Variants in ADAMTS9 observed in about 807,000 individuals in gnomAD.
ADAMTS9 encodes ADAM metallopeptidase with thrombospondin type 1 motif 9, also known as A disintegrin and metalloproteinase with thrombospondin motifs 9.
A neutral mutation model predicts 257.1 loss-of-function variants in ADAMTS9; 107 were observed. The observed-to-expected ratio is 0.42, with a 90% confidence interval of 0.36 to 0.49. The LOEUF (loss-of-function observed/expected upper bound fraction) is 0.49. Ranked by LOEUF, ADAMTS9 falls within the 20% of genes least tolerant of loss-of-function variation. ADAMTS9 has a pLI of 0.03. For missense variants in ADAMTS9, 2,353 were observed against 2,469.1 expected (o/e 0.95, Z 1.00); for synonymous variants, 982 against 880.9 (o/e 1.11, Z -2.03).
rs1218602718 is a variant in ADAMTS9 at position 64,639,330 on chromosome 3, A to C, written c.1856+2518T>G. The stretch of plus-strand genomic sequence containing the variant: ...TTTTTTTTAAAAAAAAAAAAAAAAA[A>C]ACCTCCCATAGCAAACAGCAGGGAC... On this transcript the variant is annotated intron_variant, in intron 12 of 39. Transcript: ENST00000498707. Among the ~76,000 whole-genome samples, 7 of 114,142 alleles carry C rather than the reference A, an allele frequency of 6.1e-5. 1 individual carries two copies. Among genetic ancestry groups the C allele is most frequent in the Admixed American group, 1.9e-4 (2 of 10,724 alleles). The allele number at this position is 114,142 out of a possible 152,430, so 74.9% of individuals were successfully genotyped here.
chr3:64,600,763 A>G (rs1472685718), intron 26 of ADAMTS9, among the ~76,000 whole-genome samples: 2 of 152,206 alleles, frequency 1.3e-5, no homozygotes, highest in Non-Finnish European at 1.5e-5. Flanking sequence ...TGTTCTGCAC[A>G]CAACCAGCAA....
rs1438610899 is a variant in ADAMTS9, at chr3:64,686,434, T to G, written c.516+134A>C. 2 of 1,265,824 alleles carry G rather than the reference T, an allele frequency of 1.6e-6. No homozygotes were observed. Among genetic ancestry groups the G allele is most frequent in the Non-Finnish European group, 2.1e-6 (2 of 938,072 alleles). 78.4% of individuals were successfully genotyped at this position (1,265,824 alleles called of 1,614,324 possible). A position where few individuals can be genotyped will look rare whatever the true frequency, so the allele number is the denominator to read the frequency against. ...GCTAGCTACCCAAACCATACGAGTTTCTAGCTGATATTTAACGCCGGAGAG... is the reference window on the plus strand; with the variant it reads ...GCTAGCTACCCAAACCATACGAGTTGCTAGCTGATATTTAACGCCGGAGAG... On this transcript the variant is annotated intron_variant, in intron 2 of 39. Coordinates refer to ENST00000498707, the MANE Select transcript of ADAMTS9 (RefSeq NM_182920.2). The surrounding 1 kb of genome is among the most constrained non-coding windows in gnomAD (Gnocchi z 4.6).
chr3:64,561,321 G>GT (rs34071104), intron 30 of ADAMTS9: 54,185 of 206,314 alleles, frequency 0.26, 4,710 homozygotes, highest in African/African-American at 0.36. Context: ...GCCTGTTAAA[G>GT]TTTTTTTTTT....
chr3:64,554,182 T>A (rs948844364), intron 30 of ADAMTS9, among the ~76,000 whole-genome samples: 1 of 152,168 alleles, frequency 6.6e-6, no homozygotes, highest in Non-Finnish European at 1.5e-5. Context: ...ATACAATGAA[T>A]CCTAAATACT....
At chr3:64,644,820 T>G (rs927321639) in intron 11 of ADAMTS9, among the ~76,000 whole-genome samples, 4 of 152,226 alleles carry the variant, frequency 2.6e-5, no homozygotes, top group African/African-American at 9.6e-5. Flanking sequence ...CTCTTCTCAT[T>G]AAGCATTACT....
intron 31 of ADAMTS9, 108 bp downstream of exon 31, chr3:64,550,784 C>T (rs968244245): frequency 3.9e-5 from 54 of 1,386,086 alleles, no homozygotes; most frequent in African/African-American, 2.1e-4. Context: ...GCAAATCGGG[C>T]GGGTAGCCTC....
chr3:64,594,523 A>C, intron 27 of ADAMTS9, 89 bp from the exon 28 acceptor site: 1 of 1,508,846 alleles, frequency 6.6e-7, no homozygotes, highest in Non-Finnish European at 9.0e-7. Flanking sequence ...GCCAAACTCA[A>C]TTATGGCATT....
intron 28 of ADAMTS9, among the ~76,000 whole-genome samples, chr3:64,576,255 C>T (rs1252527008): frequency 6.6e-6 from 1 of 152,186 alleles, no homozygotes; most frequent in Non-Finnish European, 1.5e-5. Flanking sequence ...CTGCGTTTCT[C>T]CCTTGTCTTT....
In ADAMTS9 at chr3:64,552,912, C is replaced by T. The variant is rs185870329; in HGVS notation, c.4699-1850G>A. On this transcript the variant is annotated intron_variant, in intron 30 of 39. Transcript: ENST00000498707. ...AGTCTCTTTACGGAGAACTACAGAC[C>T]CCACCTCTCTTTTTCATCTAATGGG... is the stretch of plus-strand genomic sequence containing the variant. Among the ~76,000 whole-genome samples the T allele has an allele frequency of 1.1e-4, 16 of 152,188 alleles. No homozygotes were observed. In the East Asian group the frequency reaches 1.7e-3, roughly 17 times the overall value.
intron 31 of ADAMTS9, among the ~76,000 whole-genome samples, chr3:64,547,215 G>A (rs936889593): frequency 2.0e-5 from 3 of 152,140 alleles, no homozygotes; most frequent in African/African-American, 7.2e-5. Flanking sequence ...ACCCCTTCTG[G>A]AGGTTTCGAA....
At chr3:64,524,728 T>A (rs2082889319) in intron 38 of ADAMTS9, among the ~76,000 whole-genome samples, 1 of 152,250 alleles carries the variant, frequency 6.6e-6, no homozygotes, top group African/African-American at 2.4e-5. Flanking sequence ...ATCTTTACTA[T>A]CTGGCACTTT....
chr3:64,598,540 G>A (rs546775909), intron 26 of ADAMTS9, among the ~76,000 whole-genome samples: 4 of 152,022 alleles, frequency 2.6e-5, no homozygotes, highest in South Asian at 4.2e-4. Flanking sequence ...AACTGGTCTC[G>A]AACTCTTGGC....
At chr3:64,619,689 T>A (rs1346034544) in intron 19 of ADAMTS9, among the ~76,000 whole-genome samples, 4 of 152,104 alleles carry the variant, frequency 2.6e-5, no homozygotes, top group Non-Finnish European at 4.4e-5. Context: ...TTAGAAAAAA[T>A]AGTTCTTAGT....
chr3:64,609,521 T>A (rs1048179077), intron 22 of ADAMTS9, among the ~76,000 whole-genome samples: 1 of 151,468 alleles, frequency 6.6e-6, no homozygotes, highest in Non-Finnish European at 1.5e-5. Flanking sequence ...AAAAAAAAAA[T>A]TCAATTTACA....
At chr3:64,529,982 AT>A (rs200385291) in intron 38 of ADAMTS9, among the ~76,000 whole-genome samples, 4,135 of 106,274 alleles carry the variant, frequency 0.039, 211 homozygotes, top group Admixed American at 0.22. Flanking sequence ...CAGTTATTTA[AT>A]TTTTTTTTTT....
chr3:64,601,994 G>A lies in ADAMTS9; in HGVS notation c.3967C>T (p.Arg1323Cys), dbSNP rs561679926. Residue 1323 changes from arginine (R) to cysteine (C), a missense_variant, in exon 26 of 40, where the codon CGC becomes TGC. By Grantham distance (180) the Arg-to-Cys change is radical (BLOSUM62 -3). Coordinates refer to ENST00000498707, the MANE Select transcript of ADAMTS9 (RefSeq NM_182920.2). ...DYRPRSASPS[R>C]THVLGGNQWR... ...TGGTTTCCACCGAGCACATGGGTGC[G>A]GCTGGGGCTGGCGCTCCGGGGACGA... 11 of 1,613,930 alleles carry A rather than the reference G, an allele frequency of 6.8e-6. No homozygotes were observed. The East Asian group carries it at 8.9e-5, about 13-fold the overall frequency.
Position 64,516,436 on chromosome 3 carries a change from T to G in ADAMTS9, c.*691A>C, listed in dbSNP as rs746069498. ...ATAAGGGTAAAGAGCTGGTCTTATT[T>G]CATCCAAGTGATTCTGTGCACTGGA... On this transcript the variant is annotated 3_prime_UTR_variant, in exon 40 of 40. Coordinates refer to ENST00000498707, the MANE Select transcript of ADAMTS9 (RefSeq NM_182920.2). 6.6e-6 allele frequency: 1 copy of G among 152,644 alleles called. No homozygotes were observed. The highest frequency in any genetic ancestry group is 1.5e-5 in the Non-Finnish European group (1 of 68,046). 9.5% of individuals were successfully genotyped at this position (152,644 alleles called of 1,614,324 possible). A position where few individuals can be genotyped will look rare whatever the true frequency, so the allele number is the denominator to read the frequency against.
In ADAMTS9 at chr3:64,655,848, T is replaced by A; in HGVS notation, c.997A>T (p.Ile333Phe). The A allele has an allele frequency of 6.4e-7, 1 of 1,569,220 alleles. No individual in the cohort carries two copies. Among genetic ancestry groups the A allele is most frequent in the Non-Finnish European group, 8.6e-7 (1 of 1,163,752 alleles). ...IVASIYKDPS[I>F]GNLINIVIVN... ...ATAACAATATTAATTAAATTTCCAA[T>A]ACTTGGGTCTTTATAGATAGAGGCT... Residue 333 changes from isoleucine to phenylalanine, a missense_variant, in exon 5 of 40, where the codon ATT becomes TTT. Ile to Phe is a conservative substitution (Grantham distance 21). Coordinates refer to ENST00000498707, the MANE Select transcript of ADAMTS9 (RefSeq NM_182920.2).
intron 29 of ADAMTS9, among the ~76,000 whole-genome samples, chr3:64,564,059 G>A (rs1212881083): frequency 6.6e-6 from 1 of 152,196 alleles, no homozygotes; most frequent in East Asian, 1.9e-4. Context: ...GTATGTGTGT[G>A]TAAATCCAAG....
Sources: allele counts gnomAD v4.1 joint callset (sites outside exome capture counted in the v4.1 genomes callset), GRCh38; gene constraint gnomAD v4.1.1; non-coding constraint Gnocchi (gnomAD v3.1); transcripts MANE v1.5; gene names NCBI Gene and HGNC (gene_info 2026-07-23, HGNC 2026-07-21).